JAKMIP3: variants seen among roughly 807,000 people sequenced by gnomAD.
The protein encoded by JAKMIP3 is Janus kinase and microtubule interacting protein 3.
A neutral mutation model predicts 118.5 loss-of-function variants in JAKMIP3; 58 were observed. The observed-to-expected ratio is 0.49, with a 90% CI of 0.40 to 0.61. The LOEUF is 0.61. Ranked by LOEUF, JAKMIP3 falls within the 20% of genes least tolerant of loss-of-function variation. The pLI, the probability that JAKMIP3 is intolerant of heterozygous loss-of-function variation, is 0.00. For synonymous variants in JAKMIP3, 486 were observed against 451.2 expected (o/e 1.08, Z -0.98); for missense variants, 950 against 1,109.0 (o/e 0.86, Z 2.04).
At chr10:132,038,888 C>G (rs1443309647) in intron 1 of JAKMIP3, among the ~76,000 whole-genome samples, 1 of 151,930 alleles carries the variant, frequency 6.6e-6, no homozygotes, top group Non-Finnish European at 1.5e-5. Flanking sequence ...GTGGGTGTCC[C>G]CCTGTTAGGG....
At chr10:132,103,066 CG>C (rs1371216355) in intron 1 of JAKMIP3, among the ~76,000 whole-genome samples, 1 of 151,936 alleles carries the variant, frequency 6.6e-6, no homozygotes, top group Non-Finnish European at 1.5e-5. Context: ...CTGTGTTCAC[CG>C]GGAAAGTTCC....
upstream of JAKMIP3, among the ~76,000 whole-genome samples, chr10:132,065,086 G>C (rs1369340793): frequency 6.6e-6 from 1 of 152,102 alleles, no homozygotes; most frequent in Non-Finnish European, 1.5e-5. This position sits in a 1 kb window ranked among gnomAD's most constrained non-coding sequence, Gnocchi z 5.6. Context: ...CGCAGGCCCT[G>C]GTGGCCGGAG....
chr10:132,135,897 T>C (rs2051671029), intron 5 of JAKMIP3, 33 bp from the exon 6 acceptor site: 2 of 1,596,892 alleles, frequency 1.3e-6, no homozygotes, highest in Non-Finnish European at 8.5e-7. Context: ...CTCCGTCACT[T>C]AAAGAACAAT....
rs1485217091 is a variant in JAKMIP3 at position 132,180,590 on chromosome 10, TGTGTGTGC to T, written c.*1104-1763_*1104-1756del. 3.7e-3 allele frequency among the ~76,000 whole-genome samples: 80 copies of T among 21,670 alleles called. 8 individuals carry two copies. Among genetic ancestry groups the T allele is most frequent in the East Asian group, 0.015 (17 of 1,118 alleles). 14.2% of individuals were successfully genotyped at this position (21,670 alleles called of 152,430 possible). A position where few individuals can be genotyped will look rare whatever the true frequency, so the allele number is the denominator to read the frequency against. On this transcript the variant is annotated intron_variant, in intron 23 of 23. Transcript: ENST00000684848. ...GTGCGTGTGTGTGTGCGTGCGCGTG[TGTGTGTGC>T]GTGCGCGTGTGTGTGTGCGTGTGTG... is the stretch of plus-strand genomic sequence containing the variant.
chr10:132,117,470 C>G lies in JAKMIP3; in HGVS notation c.529C>G (p.Gln177Glu). 1 of 1,613,774 alleles carries G rather than the reference C, an allele frequency of 6.2e-7. No individual in the cohort carries two copies. The highest frequency in any genetic ancestry group is 8.5e-7 in the Non-Finnish European group (1 of 1,179,846). Residue 177 changes from glutamine to glutamate, a missense_variant, in exon 3 of 24, where the codon CAA becomes GAA. Transcript: ENST00000684848. The surrounding 1 kb of genome is among the most constrained non-coding windows in gnomAD (Gnocchi z 8.6). ...QVEEALTLVI[Q>E]ADKIKAAEIR... ...GGAGGAGGCGCTGACGCTGGTGATCCAAGCGGACAAGATCAAGGCCGCAGA... is the reference window on the plus strand; with the variant it reads ...GGAGGAGGCGCTGACGCTGGTGATCGAAGCGGACAAGATCAAGGCCGCAGA...
In JAKMIP3 at chr10:132,133,474, G is replaced by T; in HGVS notation, c.796G>T (p.Glu266Ter). 6.3e-7 allele frequency: 1 copy of T among 1,583,242 alleles called. No homozygotes were observed. The highest frequency in any genetic ancestry group is 2.3e-5 in the East Asian group (1 of 43,058). The part of the protein sequence containing the change: ...ADRHPGSPRR[E>*]LPHAAGAGDA... ...CCGGCACCCGGGCAGCCCCAGACGG[G>T]AACTTCCTCATGCAGCTGGTGCAGG... Residue 266 changes from glutamate to a stop codon, truncating the protein, a stop_gained, in exon 4 of 24, where the codon GAA (glutamate) becomes TAA (stop). Coordinates refer to ENST00000684848, the MANE Select transcript of JAKMIP3 (RefSeq NM_001323087.2). LOFTEE classifies it high-confidence loss of function.
chr10:132,170,078 C>T (rs1440315708), intron 23 of JAKMIP3: 1 of 152,312 alleles, frequency 6.6e-6, no homozygotes, highest in Non-Finnish European at 1.5e-5. Context: ...GAGCGGGAGA[C>T]CAGCAGTCCC....
chr10:132,115,860 C>T (rs2047561485), intron 2 of JAKMIP3, among the ~76,000 whole-genome samples: 1 of 152,266 alleles, frequency 6.6e-6, no homozygotes. Flanking sequence ...TGTCCTCCAG[C>T]TCCCACTGGA....
At chr10:132,153,594 T>C (rs1266558759) in intron 17 of JAKMIP3, among the ~76,000 whole-genome samples, 165 bp from the exon 18 acceptor site, 3 of 152,100 alleles carry the variant, frequency 2.0e-5, no homozygotes, top group African/African-American at 7.2e-5. Flanking sequence ...GGTGGGGCCA[T>C]GATGCCAGCG....
intron 9 of JAKMIP3, among the ~76,000 whole-genome samples, chr10:132,138,949 T>C (rs2052494954): frequency 6.6e-6 from 1 of 152,246 alleles, no homozygotes; most frequent in Non-Finnish European, 1.5e-5. Flanking sequence ...CTGTCATCAT[T>C]TCTCTACAGT....
chr10:132,119,976 C>T (rs2048282042), intron 3 of JAKMIP3, among the ~76,000 whole-genome samples: 1 of 152,164 alleles, frequency 6.6e-6, no homozygotes, highest in African/African-American at 2.4e-5. Context: ...TCCACCTGTG[C>T]CCAGGAAATG....
intron 9 of JAKMIP3, among the ~76,000 whole-genome samples, chr10:132,140,249 C>T (rs2053211970): frequency 6.6e-6 from 1 of 152,224 alleles, no homozygotes; most frequent in Admixed American, 6.5e-5. Flanking sequence ...CTCCAGGCCC[C>T]TTCCCCACCC....
At chr10:132,169,923 C>T (rs7096307) in intron 23 of JAKMIP3, 80,633 of 152,332 alleles carry the variant, frequency 0.53, 22,527 homozygotes, top group East Asian at 0.94. Flanking sequence ...CCCTGGGGCG[C>T]GTTCTTCAGG....
At chr10:132,120,926 T>C (rs555781638) in intron 3 of JAKMIP3, among the ~76,000 whole-genome samples, 1 of 152,294 alleles carries the variant, frequency 6.6e-6, no homozygotes, top group African/African-American at 2.4e-5. Context: ...GGCAGGTGTG[T>C]GGCCGCTCGA....
Position 132,183,172 on chromosome 10 carries a change from G to T in JAKMIP3, c.*1919G>T, listed in dbSNP as rs1261363989. 6.6e-6 allele frequency: 1 copy of T among 152,240 alleles called. No homozygotes were observed. The highest frequency in any genetic ancestry group is 2.4e-5 in the African/African-American group (1 of 41,462). The allele number at this position is 152,240 out of a possible 1,614,324, so 9.4% of individuals were successfully genotyped here. ...ACACAATAGCCTTGTGTTAATAAAA[G>T]CTACCGTGGCGCTGTGGGTGAACCG... On this transcript the variant is annotated 3_prime_UTR_variant, in exon 24 of 24. Coordinates refer to ENST00000684848, the MANE Select transcript of JAKMIP3 (RefSeq NM_001323087.2).
At chr10:132,095,769 T>C (rs1469977211) in intron 1 of JAKMIP3, among the ~76,000 whole-genome samples, 5 of 152,346 alleles carry the variant, frequency 3.3e-5, no homozygotes, top group African/African-American at 9.6e-5. Flanking sequence ...CCTGGGTGTT[T>C]ACTATTCCTG....
chr10:132,058,948 C>A (rs1000956317), intron 1 of JAKMIP3, among the ~76,000 whole-genome samples: 1 of 152,228 alleles, frequency 6.6e-6, no homozygotes, highest in East Asian at 1.9e-4. Flanking sequence ...TCGCGTCGCG[C>A]CCACGTGAGC....
chr10:132,040,638 C>CT (rs34272105), intron 1 of JAKMIP3, among the ~76,000 whole-genome samples: 26 of 146,416 alleles, frequency 1.8e-4, no homozygotes, highest in East Asian at 4.0e-4. Flanking sequence ...TCCCGATGAG[C>CT]TTTTTTTTTT....
At chr10:132,052,637 C>T (rs1034110622) in intron 1 of JAKMIP3, among the ~76,000 whole-genome samples, 8 of 152,258 alleles carry the variant, frequency 5.3e-5, no homozygotes, top group South Asian at 2.1e-4. Context: ...TCAGAGCATC[C>T]GTCCTCTCAT....
Sources: allele counts gnomAD v4.1 joint callset (sites outside exome capture counted in the v4.1 genomes callset), GRCh38; gene constraint gnomAD v4.1.1; non-coding constraint Gnocchi (gnomAD v3.1); transcripts MANE v1.5; gene names NCBI Gene and HGNC (gene_info 2026-07-23, HGNC 2026-07-21).